PIK3R4: variants seen among roughly 807,000 people sequenced by gnomAD.
PIK3R4 encodes phosphoinositide 3-kinase regulatory subunit 4.
A neutral mutation model predicts 136.5 loss-of-function variants in PIK3R4; 46 were observed. That is an observed-to-expected ratio of 0.34 (90% CI 0.27 to 0.43). PIK3R4 has a LOEUF of 0.43. PIK3R4 is among the 20% of genes least tolerant of loss of function. PIK3R4 has a pLI of 1.00. For synonymous variants in PIK3R4, 557 were observed against 566.7 expected, an observed-to-expected ratio of 0.98 and a Z score of 0.24; for missense variants, 1,331 against 1,649.5, an observed-to-expected ratio of 0.81 and a Z score of 3.35.
chr3:130,739,771 C>A (rs1343636973), intron 2 of PIK3R4, among the ~76,000 whole-genome samples: 12 of 152,072 alleles, frequency 7.9e-5, no homozygotes, highest in Admixed American at 7.9e-4. Flanking sequence ...AAGACTTTGA[C>A]CAGATGATTA....
rs201797892 is a variant in PIK3R4 at position 130,725,176 on chromosome 3, A to T, written c.1808-1589T>A. 8.6e-5 allele frequency among the ~76,000 whole-genome samples: 13 copies of T among 152,046 alleles called. No homozygotes were observed. In the East Asian group the frequency reaches 2.3e-3, roughly 27 times the overall value. ...GCTAAAACTATTTTGAAAATGAATG[A>T]CATCTGAAACTTACCCTATCAGATG... On this transcript the variant is annotated intron_variant, in intron 6 of 19. Transcript: ENST00000356763.
intron 6 of PIK3R4, 26 bp downstream of exon 6, chr3:130,728,437 A>C (rs2107617635): frequency 6.9e-7 from 1 of 1,455,452 alleles, no homozygotes; most frequent in East Asian, 2.3e-5. Flanking sequence ...AAAAATCTTA[A>C]AGGAATTTAA....
At position 130,735,937 on chromosome 3, in the gene PIK3R4, A is replaced by G; in HGVS notation, c.799T>C (p.Tyr267His). ...PLFDLSQLLAYRNGHFFPEQV... is the reference protein window; with the variant it reads ...PLFDLSQLLAHRNGHFFPEQV... ...TCAGGGAAAAAATGTCCATTTCTAT[A>G]AGCCAAAAGTTGAGAGAGATCAAAT... Residue 267 changes from tyrosine (Y) to histidine (H), a missense_variant, in exon 3 of 20, where the codon TAT becomes CAT. Transcript: ENST00000356763. 6.2e-7 allele frequency: 1 copy of G among 1,612,830 alleles called. No individual in the cohort carries two copies. Among genetic ancestry groups the G allele is most frequent in the Non-Finnish European group, 8.5e-7 (1 of 1,179,334 alleles).
At chr3:130,699,787 T>C (rs1303234931) in intron 13 of PIK3R4, among the ~76,000 whole-genome samples, 1 of 152,252 alleles carries the variant, frequency 6.6e-6, no homozygotes, top group Non-Finnish European at 1.5e-5. Context: ...TGATAACTGC[T>C]GCTGAACTTT....
chr3:130,741,146 T>A (rs1576465242), intron 2 of PIK3R4, among the ~76,000 whole-genome samples: 1 of 152,164 alleles, frequency 6.6e-6, no homozygotes, highest in East Asian at 1.9e-4. Context: ...AGAATCTAAG[T>A]GTATTTGTAG....
At chr3:130,703,984 C>A (rs993938004) in intron 12 of PIK3R4, 96 bp from the exon 13 acceptor site, 3 of 792,580 alleles carry the variant, frequency 3.8e-6, no homozygotes, top group Non-Finnish European at 6.2e-6. Flanking sequence ...AGCTTGAAAA[C>A]AATCATAAGA....
intron 9 of PIK3R4, among the ~76,000 whole-genome samples, chr3:130,713,180 A>G (rs140238197): frequency 2.6e-5 from 4 of 152,284 alleles, no homozygotes; most frequent in African/African-American, 9.6e-5. Context: ...TTCTGCTGTT[A>G]TTTCTGGTAA....
chr3:130,739,101 G>C (rs774040557), intron 2 of PIK3R4, among the ~76,000 whole-genome samples: 21 of 152,146 alleles, frequency 1.4e-4, no homozygotes, highest in Non-Finnish European at 2.5e-4. Context: ...TTTTGAGACG[G>C]AGTCTCACTC....
intron 7 of PIK3R4, among the ~76,000 whole-genome samples, chr3:130,722,275 T>C (rs951306816): frequency 7.2e-5 from 11 of 152,202 alleles, no homozygotes; most frequent in African/African-American, 2.7e-4. Flanking sequence ...CTAAGGGAGT[T>C]ATCCATTGAA....
chr3:130,739,057 CTTTTT>C (rs2066803619), intron 2 of PIK3R4, among the ~76,000 whole-genome samples: 1 of 151,970 alleles, frequency 6.6e-6, no homozygotes, highest in Admixed American at 6.6e-5. Context: ...ATTAGCACAC[CTTTTT>C]TTGTTTGTTT....
intron 13 of PIK3R4, among the ~76,000 whole-genome samples, chr3:130,697,063 CTTTTTTTTTTTTTTTT>C (rs60432343): frequency 2.7e-5 from 2 of 73,026 alleles, no homozygotes; most frequent in Admixed American, 4.7e-4. Context: ...GCCACTCCAG[CTTTTTTTTTTTTTTTT>C]TTTTTTTTTG....
intron 6 of PIK3R4, among the ~76,000 whole-genome samples, chr3:130,725,188 T>G (rs1483670190): frequency 1.3e-5 from 2 of 151,828 alleles, no homozygotes; most frequent in South Asian, 2.1e-4. Context: ...ATCTGAAACT[T>G]ACCCTATCAG....
At chr3:130,708,691 T>A (rs1445071099) in intron 9 of PIK3R4, among the ~76,000 whole-genome samples, 199 bp from the exon 10 acceptor site, 1 of 152,076 alleles carries the variant, frequency 6.6e-6, no homozygotes, top group Non-Finnish European at 1.5e-5. Context: ...CCCAGAACAC[T>A]CTATTAGGGC....
chr3:130,730,513 C>T (rs1576462401), intron 4 of PIK3R4, 71 bp from the exon 5 acceptor site: 1 of 1,119,108 alleles, frequency 8.9e-7, no homozygotes, highest in East Asian at 2.7e-5. Flanking sequence ...AACTTTTCCT[C>T]CCTGTCTTTA....
At chr3:130,702,110 C>T (rs1207097299) in intron 13 of PIK3R4, among the ~76,000 whole-genome samples, 2 of 151,858 alleles carry the variant, frequency 1.3e-5, no homozygotes, top group East Asian at 3.9e-4. Context: ...CCACTGCACT[C>T]CAGCCTGGGC....
In PIK3R4 at chr3:130,718,258, AAGG is replaced by A. The variant is rs1453998121; in HGVS notation, c.2127+128_2127+130del. 4.1e-6 allele frequency: 3 copies of A among 728,568 alleles called. No homozygotes were observed. In the African/African-American group the frequency reaches 5.3e-5, roughly 13 times the overall value. 45.1% of individuals were successfully genotyped at this position (728,568 alleles called of 1,614,324 possible). On this transcript the variant is annotated intron_variant, in intron 8 of 19. Coordinates refer to ENST00000356763, the MANE Select transcript of PIK3R4 (RefSeq NM_014602.3). ...GGTTCATTAACATTAATTAGCTTGA[AAGG>A]AATATAAACATGCTATAGCCCAATT...
chr3:130,691,872 T>TC (rs2066521604), intron 13 of PIK3R4, among the ~76,000 whole-genome samples: 2 of 141,924 alleles, frequency 1.4e-5, no homozygotes, highest in African/African-American at 5.3e-5. Flanking sequence ...CTCTAGTTTT[T>TC]TTTTTTTTTT....
chr3:130,707,199 T>C, intron 10 of PIK3R4, 64 bp from the exon 11 acceptor site: 2 of 1,216,000 alleles, frequency 1.6e-6, no homozygotes, highest in Non-Finnish European at 2.3e-6. Flanking sequence ...TGTGCTTTTA[T>C]TGCCTTTGGA....
intron 13 of PIK3R4, among the ~76,000 whole-genome samples, chr3:130,693,789 A>C (rs920420999): frequency 6.6e-6 from 1 of 152,060 alleles, no homozygotes; most frequent in Non-Finnish European, 1.5e-5. Context: ...ATGAAGTCCC[A>C]TTTGTCTATT....
Sources: allele counts gnomAD v4.1 joint callset (sites outside exome capture counted in the v4.1 genomes callset), GRCh38; gene constraint gnomAD v4.1.1; transcripts MANE v1.5; gene names NCBI Gene and HGNC (gene_info 2026-07-23, HGNC 2026-07-21).